The following TMC3 variants were observed in gnomAD, a reference collection of about 807,000 sequenced individuals.
The protein encoded by TMC3 is transmembrane channel like 3.
Under a neutral mutation model 110.6 loss-of-function variants are expected in TMC3, and 98 were observed. The ratio of observed to expected loss-of-function variants is 0.89; its 90% CI spans 0.75 to 1.05. The LOEUF (loss-of-function observed/expected upper bound fraction) is 1.05, where lower values mean the gene tolerates loss of function less well. Ranked by LOEUF, TMC3 falls within the 50% of genes least tolerant of loss-of-function variation. TMC3 has a pLI of 0.00. For synonymous variants in TMC3, 489 were observed against 513.1 expected (o/e 0.95, Z 0.63); for missense variants, 1,319 against 1,373.2 (o/e 0.96, Z 0.62).
chr15:81,343,218 A>T, intron 15 of TMC3, 60 bp downstream of exon 15: 2 of 1,072,488 alleles, frequency 1.9e-6, no homozygotes, highest in Non-Finnish European at 2.9e-6. Context: ...AGACTAAGTA[A>T]ATTAAAATCT....
chr15:81,364,492 T>G (rs1894260687), intron 3 of TMC3, among the ~76,000 whole-genome samples: 1 of 129,504 alleles, frequency 7.7e-6, no homozygotes, highest in Non-Finnish European at 1.5e-5. Context: ...TGAGATCACA[T>G]GGACACAGGA....
intron 2 of TMC3, among the ~76,000 whole-genome samples, chr15:81,370,701 C>CA (rs1324726393): frequency 7.3e-6 from 1 of 136,486 alleles, no homozygotes; most frequent in Non-Finnish European, 1.5e-5. Flanking sequence ...TTTTTTGAGA[C>CA]AGAGTCTCTG....
chr15:81,334,609 C>A, intron 21 of TMC3, 111 bp downstream of exon 21: 3 of 1,397,628 alleles, frequency 2.1e-6, no homozygotes, highest in Non-Finnish European at 2.9e-6. Flanking sequence ...AGTCTCCTGA[C>A]CCATGCCTTC....
intron 7 of TMC3, among the ~76,000 whole-genome samples, chr15:81,357,419 G>C (rs1052300084): frequency 6.6e-6 from 1 of 151,980 alleles, no homozygotes; most frequent in African/African-American, 2.4e-5. Context: ...ACCAGCGTGG[G>C]TGGGGCCAGC....
At chr15:81,343,486 G>A (rs1893756428) in intron 14 of TMC3, 141 bp from the exon 15 acceptor site, 6 of 636,620 alleles carry the variant, frequency 9.4e-6, no homozygotes, top group Non-Finnish European at 1.7e-5. Context: ...CCAGCAAATG[G>A]TAAATGTTAA....
intron 9 of TMC3, among the ~76,000 whole-genome samples, chr15:81,354,144 A>G (rs1405316384): frequency 6.6e-6 from 1 of 152,230 alleles, no homozygotes; most frequent in East Asian, 1.9e-4. Context: ...CAATTGGCCT[A>G]TTTTGAAGGC....
chr15:81,363,053 G>A (rs759481045), intron 3 of TMC3, among the ~76,000 whole-genome samples: 1 of 152,114 alleles, frequency 6.6e-6, no homozygotes, highest in Non-Finnish European at 1.5e-5. Flanking sequence ...TCAGGAGTTC[G>A]AGACCAGCCT....
At chr15:81,336,007 A>T (rs1038258214) in intron 20 of TMC3, 7 of 152,162 alleles carry the variant, frequency 4.6e-5, no homozygotes, top group African/African-American at 1.7e-4. Context: ...GCTTTCATCC[A>T]CGTGAATGTG....
chr15:81,342,063 T>G (rs1406783542), intron 15 of TMC3, among the ~76,000 whole-genome samples: 2 of 152,158 alleles, frequency 1.3e-5, no homozygotes, highest in Non-Finnish European at 2.9e-5. Context: ...TAAGGCTGAC[T>G]CTATATCATC....
intron 3 of TMC3, among the ~76,000 whole-genome samples, chr15:81,366,600 T>C (rs999626863): frequency 2.0e-5 from 3 of 152,232 alleles, no homozygotes; most frequent in Non-Finnish European, 4.4e-5. Context: ...TTACTTCCTG[T>C]AGCACTTCAG....
At chr15:81,358,037 G>T in intron 7 of TMC3, 112 bp downstream of exon 7, 2 of 1,279,022 alleles carry the variant, frequency 1.6e-6, no homozygotes, top group Admixed American at 3.1e-5. Flanking sequence ...TATGTATTTT[G>T]AGAAATCAAG....
intron 9 of TMC3, 83 bp downstream of exon 9, chr15:81,355,642 G>C (rs1596089196): frequency 1.4e-5 from 12 of 874,276 alleles, no homozygotes; most frequent in Non-Finnish European, 1.9e-5. Flanking sequence ...ATGAAAATAA[G>C]ATATAGATGA....
At chr15:81,344,694 C>G (rs1893785819) in intron 13 of TMC3, 72 bp downstream of exon 13, 3 of 1,450,908 alleles carry the variant, frequency 2.1e-6, no homozygotes, top group South Asian at 1.2e-5. Context: ...GGGGCAGTGA[C>G]AGCTCAGAGA....
intron 11 of TMC3, among the ~76,000 whole-genome samples, chr15:81,347,148 C>T (rs1893844611): frequency 6.6e-6 from 1 of 152,110 alleles, no homozygotes; most frequent in African/African-American, 2.4e-5. Context: ...AGCCTTGGTT[C>T]TTACTGGAAA....
rs1893790680 is a variant in TMC3, at chr15:81,344,824, T to G, written c.1460A>C (p.Lys487Thr). Residue 487 changes from lysine to threonine, a missense_variant, in exon 13 of 22, where the codon AAG becomes ACG. Transcript: ENST00000359440. ...TGGACTCTGAGTGTGGAGGCTAGTC[T>G]TGTTGGCCTTTATAAGAGGCATGGT... is the stretch of plus-strand genomic sequence containing the variant. ...AYTMPLIKAN[K>T]TSLHTQSPQD... The G allele has an allele frequency of 6.2e-7, 1 of 1,613,986 alleles. No homozygotes were observed. The highest frequency in any genetic ancestry group is 1.3e-5 in the African/African-American group (1 of 75,052).
intron 21 of TMC3, among the ~76,000 whole-genome samples, chr15:81,334,426 G>A (rs577931248): frequency 5.9e-5 from 9 of 152,120 alleles, no homozygotes; most frequent in African/African-American, 2.2e-4. Flanking sequence ...GGCCACTGTG[G>A]AACTAAAAAA....
Position 81,345,016 on chromosome 15 carries a change from GGA to G in TMC3, c.1273-7_1273-6del, listed in dbSNP as rs147678536. ...GTTATTTTTGGTAGCCATTTCCTGG[GGA>G]GAGAGAGAGAGAGAGAGAGGGAAGC... On this transcript the variant is annotated splice_region_variant and splice_polypyrimidine_tract_variant and intron_variant, in intron 12 of 21. Coordinates refer to ENST00000359440, the MANE Select transcript of TMC3 (RefSeq NM_001080532.3). 0.011 allele frequency: 11,151 copies of G among 1,052,846 alleles called. No homozygotes were observed. The highest frequency in any genetic ancestry group is 0.021 in the South Asian group (1,086 of 52,088). 65.2% of individuals were successfully genotyped at this position (1,052,846 alleles called of 1,614,324 possible).
intron 4 of TMC3, among the ~76,000 whole-genome samples, chr15:81,360,545 G>A (rs928793514): frequency 2.0e-5 from 3 of 152,164 alleles, no homozygotes; most frequent in African/African-American, 7.2e-5. Context: ...CAGAGCTTGA[G>A]AAAGGGATTT....
At chr15:81,352,801 CTTTTGTTTGTTTGTT>C (rs773084845) in intron 9 of TMC3, among the ~76,000 whole-genome samples, 1 of 152,016 alleles carries the variant, frequency 6.6e-6, no homozygotes, top group Non-Finnish European at 1.5e-5. Context: ...GTGTGTTAGT[CTTTTGTTTGTTTGTT>C]TTTTGTTTGT....
Sources: gnomAD v4.1 joint callset for allele counts (sites outside exome capture counted in the v4.1 genomes callset) on GRCh38, gnomAD v4.1.1 for gene constraint, MANE v1.5 for transcripts, NCBI Gene and HGNC (gene_info 2026-07-23, HGNC 2026-07-21) for gene names.